AKT3: variants seen among roughly 807,000 people sequenced by gnomAD.
AKT3 encodes the protein AKT serine/threonine kinase 3, also known as RAC-gamma serine/threonine-protein kinase.
A neutral mutation model predicts 65.3 loss-of-function variants in AKT3; 15 were observed. The observed-to-expected ratio is 0.23, with a 90% CI of 0.15 to 0.35. AKT3 has a LOEUF of 0.35. Ranked by LOEUF, AKT3 falls within the 10% of genes least tolerant of loss-of-function variation. The pLI, the probability that AKT3 is intolerant of heterozygous loss-of-function variation, is 1.00. For synonymous variants in AKT3, 206 were observed against 183.8 expected, an observed-to-expected ratio of 1.12 and a Z score of -0.98; for missense variants, 243 against 576.5, an observed-to-expected ratio of 0.42 and a Z score of 5.92.
intron 12 of AKT3, among the ~76,000 whole-genome samples, chr1:243,527,334 C>T (rs1411894616): frequency 6.6e-6 from 1 of 152,046 alleles, no homozygotes; most frequent in East Asian, 1.9e-4. Flanking sequence ...ATTTTTTCTT[C>T]TTTTCTGAAG....
intron 2 of AKT3, among the ~76,000 whole-genome samples, chr1:243,806,176 C>T (rs1692712366): frequency 6.6e-6 from 1 of 152,198 alleles, no homozygotes; most frequent in African/African-American, 2.4e-5. Context: ...TCCTAGTTCT[C>T]CCTTCTATAG....
intron 3 of AKT3, among the ~76,000 whole-genome samples, chr1:243,674,282 T>C (rs1005943749): frequency 6.6e-6 from 1 of 152,196 alleles, no homozygotes; most frequent in Non-Finnish European, 1.5e-5. Context: ...ACAGATTATC[T>C]GGTAACCACA....
At chr1:243,758,199 G>A (rs564742290) in intron 2 of AKT3, among the ~76,000 whole-genome samples, 18 of 152,244 alleles carry the variant, frequency 1.2e-4, no homozygotes, top group African/African-American at 3.1e-4. Flanking sequence ...CTGCTTTCAC[G>A]GAGTTTATAT....
rs1669169729 is a variant in AKT3 at position 243,500,484 on chromosome 1, T to TATC, written c.*4762_*4764dup. The TATC allele has an allele frequency of 4.4e-6, 1 of 226,266 alleles. No homozygotes were observed. 14.0% of individuals were successfully genotyped at this position (226,266 alleles called of 1,614,324 possible). ...GAAATTAGAAAATTTACTTAGAGTA[T>TATC]ATCAAATATCTGTACACAGATAATT... On this transcript the variant is annotated 3_prime_UTR_variant, in exon 14 of 14. Transcript: ENST00000673466.
At chr1:243,583,195 T>TATATATATACAC (rs759291565) in intron 8 of AKT3, among the ~76,000 whole-genome samples, 12 of 88,270 alleles carry the variant, frequency 1.4e-4, no homozygotes, top group African/African-American at 5.6e-4. Flanking sequence ...TATATATATA[T>TATATATATACAC]ACACACACAC....
At chr1:243,744,535 C>T (rs888895378) in intron 2 of AKT3, among the ~76,000 whole-genome samples, 8 of 151,714 alleles carry the variant, frequency 5.3e-5, no homozygotes, top group Admixed American at 1.3e-4. Flanking sequence ...GTCAGGAGAT[C>T]GAGACCATCC....
intron 3 of AKT3, among the ~76,000 whole-genome samples, chr1:243,665,707 A>G (rs903370610): frequency 6.6e-6 from 1 of 152,212 alleles, no homozygotes; most frequent in Non-Finnish European, 1.5e-5. Flanking sequence ...GGAATTAATA[A>G]TAAGTTCATC....
At chr1:243,582,249 C>T (rs895596282) in intron 8 of AKT3, among the ~76,000 whole-genome samples, 2 of 151,708 alleles carry the variant, frequency 1.3e-5, no homozygotes, top group African/African-American at 4.8e-5. Flanking sequence ...CAGAGTACAA[C>T]TGTGAGATAC....
intron 6 of AKT3, among the ~76,000 whole-genome samples, chr1:243,624,444 C>A (rs1679001046): frequency 6.6e-6 from 1 of 152,252 alleles, no homozygotes; most frequent in South Asian, 2.1e-4. Flanking sequence ...AATGTATCCA[C>A]TTTTTTTAAG....
chr1:243,565,880 T>C (rs890150335), intron 9 of AKT3, among the ~76,000 whole-genome samples: 2 of 152,208 alleles, frequency 1.3e-5, no homozygotes, highest in Admixed American at 1.3e-4. Flanking sequence ...GCTTTATAAA[T>C]ATATAAAATG....
intron 6 of AKT3, among the ~76,000 whole-genome samples, chr1:243,634,799 G>C (rs1679862143): frequency 6.6e-6 from 1 of 151,816 alleles, no homozygotes; most frequent in South Asian, 2.1e-4. Flanking sequence ...CAAAATATAT[G>C]AGGCAAAAAT....
At chr1:243,708,258 G>C (rs1393205358) in intron 2 of AKT3, among the ~76,000 whole-genome samples, 1 of 151,746 alleles carries the variant, frequency 6.6e-6, no homozygotes, top group African/African-American at 2.4e-5. Context: ...ACAAATCAAA[G>C]AAATGCAACC....
chr1:243,667,317 A>T (rs1318079866), intron 3 of AKT3, among the ~76,000 whole-genome samples: 1 of 152,178 alleles, frequency 6.6e-6, no homozygotes, highest in Non-Finnish European at 1.5e-5. Context: ...TCTGGGAGAC[A>T]TCTGAACATG....
At chr1:243,618,334 T>C (rs1388605249) in intron 6 of AKT3, among the ~76,000 whole-genome samples, 4 of 152,144 alleles carry the variant, frequency 2.6e-5, no homozygotes, top group Admixed American at 2.6e-4. Flanking sequence ...AGATTAGAAT[T>C]TCTTCCCATT....
chr1:243,506,048 G>C (rs1417121), intron 13 of AKT3, among the ~76,000 whole-genome samples: 56,510 of 152,136 alleles, frequency 0.37, 13,064 homozygotes, highest in African/African-American at 0.66. Context: ...TCAGCACCCT[G>C]TTCTCATAAA....
intron 2 of AKT3, among the ~76,000 whole-genome samples, chr1:243,776,741 G>T (rs967143325): frequency 6.6e-6 from 1 of 152,154 alleles, no homozygotes; most frequent in Non-Finnish European, 1.5e-5. Context: ...GATAGGGCCA[G>T]AATTTAAACT....
At chr1:243,623,393 G>A (rs1678913459) in intron 6 of AKT3, among the ~76,000 whole-genome samples, 1 of 152,184 alleles carries the variant, frequency 6.6e-6, no homozygotes, top group African/African-American at 2.4e-5. Context: ...AATACCTAGA[G>A]AACTGGTAAA....
At chr1:243,703,546 A>C (rs1450082312) in intron 2 of AKT3, among the ~76,000 whole-genome samples, 2 of 152,246 alleles carry the variant, frequency 1.3e-5, no homozygotes, top group Non-Finnish European at 2.9e-5. Context: ...GGATCACTTG[A>C]GGCCAGGAGT....
At chr1:243,742,567 G>C (rs1003194310) in intron 2 of AKT3, among the ~76,000 whole-genome samples, 9 of 152,200 alleles carry the variant, frequency 5.9e-5, no homozygotes, top group Non-Finnish European at 1.5e-5. Flanking sequence ...GGAGGTTGCA[G>C]TGAGTCGAGA....
Sources: allele counts gnomAD v4.1 joint callset (sites outside exome capture counted in the v4.1 genomes callset), GRCh38; gene constraint gnomAD v4.1.1; transcripts MANE v1.5; gene names NCBI Gene and HGNC (gene_info 2026-07-23, HGNC 2026-07-21).